ANK3: variants seen among roughly 807,000 people sequenced by gnomAD.
ANK3 encodes ankyrin 3.
A neutral mutation model predicts 370.9 loss-of-function variants in ANK3; 57 were observed. The ratio of observed to expected loss-of-function variants is 0.15; its 90% CI spans 0.12 to 0.19. ANK3 has a LOEUF of 0.19. ANK3 is among the 10% of genes least tolerant of loss of function. The probability of loss-of-function intolerance (pLI) is 1.00; values close to 1 mark genes in which losing one functional copy is unlikely to be tolerated. For synonymous variants in ANK3, 1,929 were observed against 1,946.3 expected (o/e 0.99, Z 0.23); for missense variants, 4,439 against 5,302.1 (o/e 0.84, Z 5.06).
chr10:60,527,560 A>G (rs2076503135), intron 2 of ANK3, among the ~76,000 whole-genome samples: 1 of 152,138 alleles, frequency 6.6e-6, no homozygotes, highest in African/African-American at 2.4e-5. Flanking sequence ...AAGTATTACT[A>G]AAAGAAAAAA....
intron 4 of ANK3, among the ~76,000 whole-genome samples, chr10:60,270,766 A>G (rs2097962774): frequency 6.6e-6 from 1 of 152,106 alleles, no homozygotes; most frequent in African/African-American, 2.4e-5. Flanking sequence ...AGCTTCAAAT[A>G]GCTTCAAAGT....
intron 24 of ANK3, among the ~76,000 whole-genome samples, chr10:60,135,846 A>G (rs2094318315): frequency 6.7e-6 from 1 of 149,764 alleles, no homozygotes; most frequent in Non-Finnish European, 1.5e-5. Flanking sequence ...CTAAGTGTCT[A>G]CACAGATAGG....
intron 1 of ANK3, among the ~76,000 whole-genome samples, chr10:60,337,653 G>T (rs2053323380): frequency 6.6e-6 from 1 of 152,068 alleles, no homozygotes; most frequent in Admixed American, 6.6e-5. Flanking sequence ...CATGCAGCTT[G>T]CCCCAAACCA....
chr10:60,080,972 A>G (rs1050740227), intron 35 of ANK3, among the ~76,000 whole-genome samples: 2 of 152,270 alleles, frequency 1.3e-5, no homozygotes, highest in East Asian at 1.9e-4. Context: ...AAAGGCACAC[A>G]AAGTTTATTA....
At chr10:60,481,555 C>T (rs563569150) in intron 2 of ANK3, among the ~76,000 whole-genome samples, 11 of 152,264 alleles carry the variant, frequency 7.2e-5, no homozygotes, top group South Asian at 4.1e-4. Flanking sequence ...CTCCACCTCC[C>T]GGGTTCAAGC....
intron 1 of ANK3, among the ~76,000 whole-genome samples, chr10:60,623,959 T>A (rs1043734655): frequency 6.6e-6 from 1 of 152,036 alleles, no homozygotes; most frequent in Non-Finnish European, 1.5e-5. Context: ...TGAGTCTCAG[T>A]CACATAACTC....
chr10:60,367,859 A>C (rs1201798396), intron 1 of ANK3, among the ~76,000 whole-genome samples: 1 of 152,210 alleles, frequency 6.6e-6, no homozygotes, highest in East Asian at 1.9e-4. Context: ...GAAATTAAAT[A>C]TTATAATTCT....
At chr10:60,694,180 G>A (rs1191258062) in intron 1 of ANK3, among the ~76,000 whole-genome samples, 13 of 152,314 alleles carry the variant, frequency 8.5e-5, no homozygotes, top group African/African-American at 1.7e-4. Flanking sequence ...GAAATGAAGC[G>A]AGAAGGGAAG....
chr10:60,079,966 C>A (rs2084793877), intron 36 of ANK3, among the ~76,000 whole-genome samples: 1 of 151,836 alleles, frequency 6.6e-6, no homozygotes, highest in African/African-American at 2.4e-5. Flanking sequence ...TGAAGACCAG[C>A]CTTAGAACTG....
intron 23 of ANK3, among the ~76,000 whole-genome samples, chr10:60,160,161 C>G (rs565193292): frequency 1.2e-4 from 10 of 83,486 alleles, no homozygotes; most frequent in African/African-American, 6.2e-4. Flanking sequence ...AAGCTTTTAA[C>G]CAGACTAACT....
At chr10:60,286,523 C>T (rs2040065186) in intron 1 of ANK3, among the ~76,000 whole-genome samples, 1 of 152,100 alleles carries the variant, frequency 6.6e-6, no homozygotes, top group Non-Finnish European at 1.5e-5. Context: ...CCAGTTTGGA[C>T]CCTCTATGAA....
chr10:60,534,336 C>T (rs561436063), intron 2 of ANK3, among the ~76,000 whole-genome samples: 10 of 152,204 alleles, frequency 6.6e-5, no homozygotes, highest in East Asian at 5.8e-4. Context: ...GAACTCCAAA[C>T]GCATTCATGT....
intron 1 of ANK3, among the ~76,000 whole-genome samples, chr10:60,658,811 C>T (rs10761545): frequency 0.63 from 95,603 of 150,740 alleles, 30,528 homozygotes; most frequent in South Asian, 0.76. Context: ...AGTTGACTGG[C>T]CTATTAGGGG....
chr10:60,075,647 A>T lies in ANK3; in HGVS notation c.5234T>A (p.Ile1745Asn), dbSNP rs199675136. The T allele has an allele frequency of 1.2e-6, 2 of 1,614,004 alleles. No homozygotes were observed. The highest frequency in any genetic ancestry group is 2.2e-5 in the East Asian group (1 of 44,862). ...CKATATLQEK[I>N]SSATNSVSSV... Reference sequence around the variant, plus strand: ...GCTCACAGAGTTTGTAGCAGAAGAAATTTTTTCCTGTAACGTGGCAGTGGC... The same window carrying T: ...GCTCACAGAGTTTGTAGCAGAAGAATTTTTTTCCTGTAACGTGGCAGTGGC... Residue 1745 changes from isoleucine to asparagine, a missense_variant, in exon 37 of 44, where the codon ATT (isoleucine) becomes AAT (asparagine). Ile to Asn is a moderately radical substitution (Grantham distance 149). This residue lies in a region of ANK3 where 679 missense variants were observed against 791.0 expected (regional missense o/e 0.86). Transcript: ENST00000280772.
intron 2 of ANK3, among the ~76,000 whole-genome samples, chr10:60,601,361 T>C (rs186570368): frequency 6.6e-6 from 1 of 152,076 alleles, no homozygotes; most frequent in East Asian, 1.9e-4. Context: ...ATTGCCTTGT[T>C]CAGGTCGTCA....
At chr10:60,209,141 G>A (rs1350063819) in intron 9 of ANK3, among the ~76,000 whole-genome samples, 1 of 152,172 alleles carries the variant, frequency 6.6e-6, no homozygotes, top group Admixed American at 6.5e-5. Context: ...ATGGCGAAGT[G>A]GGGGAGCCTG....
chr10:60,396,488 T>C (rs982801065), intron 2 of ANK3, among the ~76,000 whole-genome samples: 1 of 152,216 alleles, frequency 6.6e-6, no homozygotes, highest in Admixed American at 6.5e-5. Context: ...TGGTAACACT[T>C]ATCTCTTAAA....
rs975684392 is a variant in ANK3, at chr10:60,162,428, G to A, written c.2614+4163C>T. Among the ~76,000 whole-genome samples, 12 of 152,214 alleles carry A rather than the reference G, an allele frequency of 7.9e-5. No homozygotes were observed. The East Asian group carries it at 2.3e-3, about 29-fold the overall frequency. On this transcript the variant is annotated intron_variant, in intron 23 of 43. Coordinates refer to ENST00000280772, the MANE Select transcript of ANK3 (RefSeq NM_020987.5). The stretch of plus-strand genomic sequence containing the variant: ...ATTTGGGCTTTCCTACCTCATCAGT[G>A]TAATGGCAGGAATAGACTTACAAGA...
rs2082821289 is a variant in ANK3, at chr10:60,072,118, T to C, written c.8763A>G (p.Val2921=). The C allele has an allele frequency of 6.2e-7, 1 of 1,614,010 alleles. No homozygotes were observed. Among genetic ancestry groups the C allele is most frequent in the South Asian group, 1.1e-5 (1 of 91,078 alleles). Residue 2921 remains valine (V), a synonymous_variant, in exon 37 of 44, where the codon GTA becomes GTG. Transcript: ENST00000280772. ...ATAAGACTTTTTTGGAGGGAGATTT[T>C]ACAGTCATTTCTTTAATTTCTGAGA... ...GSLSEIKEMT[V]KSPSKKVLYR... is the part of the protein sequence containing the mutation.
Sources: gnomAD v4.1 joint callset for allele counts (sites outside exome capture counted in the v4.1 genomes callset) on GRCh38, gnomAD v4.1.1 for gene constraint, gnomAD v4.1.1 regional missense constraint, MANE v1.5 for transcripts, NCBI Gene and HGNC (gene_info 2026-07-23, HGNC 2026-07-21) for gene names.